The following SYNDIG1 variants were observed in gnomAD, a reference collection of about 807,000 sequenced individuals.
SYNDIG1 encodes the protein synapse differentiation inducing 1, also known as synapse differentiation-inducing gene protein 1.
In SYNDIG1, 9 loss-of-function variants were observed where a neutral mutation model predicts 19.4. The ratio of observed to expected loss-of-function variants is 0.46; its 90% CI spans 0.28 to 0.81. The LOEUF (loss-of-function observed/expected upper bound fraction) is 0.81, where lower values mean the gene tolerates loss of function less well. Among genes scored for constraint, SYNDIG1 ranks in the 30% least tolerant of loss-of-function variants. The pLI, the probability that SYNDIG1 is intolerant of heterozygous loss-of-function variation, is 0.12. For synonymous variants in SYNDIG1, 141 were observed against 145.9 expected (o/e 0.97, Z 0.24); for missense variants, 311 against 343.3 (o/e 0.91, Z 0.74).
intron 1 of SYNDIG1, among the ~76,000 whole-genome samples, chr20:24,503,963 T>TTTTG (rs1173555573): frequency 6.7e-6 from 1 of 149,286 alleles, no homozygotes; most frequent in African/African-American, 2.5e-5. Flanking sequence ...CAGGTTTTTT[T>TTTTG]TTTTTTTTTT....
At chr20:24,480,265 A>G (rs534458394) in intron 1 of SYNDIG1, among the ~76,000 whole-genome samples, 50 of 152,358 alleles carry the variant, frequency 3.3e-4, no homozygotes, top group Non-Finnish European at 5.9e-4. Flanking sequence ...TGTAAGACCT[A>G]TATAATGCTA....
intron 1 of SYNDIG1, among the ~76,000 whole-genome samples, chr20:24,470,417 T>C (rs2055393852): frequency 6.6e-6 from 1 of 152,208 alleles, no homozygotes; most frequent in Admixed American, 6.5e-5. Flanking sequence ...GGACAAGACC[T>C]GCCTTCAAAA....
chr20:24,489,429 A>C (rs2056079404), intron 1 of SYNDIG1, among the ~76,000 whole-genome samples: 1 of 151,896 alleles, frequency 6.6e-6, no homozygotes, highest in South Asian at 2.1e-4. Flanking sequence ...ACACAGACAC[A>C]TAGATACATG....
chr20:24,574,536 G>A (rs1385318160), intron 2 of SYNDIG1, among the ~76,000 whole-genome samples: 1 of 151,632 alleles, frequency 6.6e-6, no homozygotes, highest in Non-Finnish European at 1.5e-5. Context: ...TAAAAATAAT[G>A]CATTTGCTAA....
chr20:24,576,824 G>A (rs1249176657), intron 2 of SYNDIG1, among the ~76,000 whole-genome samples: 1 of 152,054 alleles, frequency 6.6e-6, no homozygotes, highest in Non-Finnish European at 1.5e-5. Context: ...ACGTCCGTAA[G>A]GATTCCTAAA....
rs770269247 is a variant in SYNDIG1 at position 24,664,489 on chromosome 20, G to A, written c.619-857G>A. On this transcript the variant is annotated intron_variant, in intron 3 of 3. Transcript: ENST00000376862. Reference sequence around the variant, plus strand: ...GGGAGTCAACCCTCCTCAGCATCACGTGGGCTCCCGTGGCTCAGTGCTTTG... The same window carrying A: ...GGGAGTCAACCCTCCTCAGCATCACATGGGCTCCCGTGGCTCAGTGCTTTG... Among the ~76,000 whole-genome samples, 4 of 152,228 alleles carry A rather than the reference G, an allele frequency of 2.6e-5. No individual in the cohort carries two copies. In the East Asian group the frequency reaches 5.8e-4, roughly 22 times the overall value.
chr20:24,596,338 C>T (rs76782692), intron 3 of SYNDIG1, among the ~76,000 whole-genome samples: 1,950 of 152,016 alleles, frequency 0.013, 46 homozygotes, highest in African/African-American at 0.045. Context: ...TTTATTTTGC[C>T]AATTACTCAT....
chr20:24,479,974 G>A (rs2146233897), intron 1 of SYNDIG1, among the ~76,000 whole-genome samples: 1 of 152,202 alleles, frequency 6.6e-6, no homozygotes, highest in South Asian at 2.1e-4. Flanking sequence ...ACAAATGCCT[G>A]CACACACACA....
intron 1 of SYNDIG1, among the ~76,000 whole-genome samples, chr20:24,477,266 G>A (rs931458351): frequency 2.6e-5 from 4 of 152,284 alleles, no homozygotes; most frequent in African/African-American, 7.2e-5. Context: ...TGAGTGCTGG[G>A]GTGACCAGGT....
chr20:24,615,505 C>T (rs1371311278), intron 3 of SYNDIG1, among the ~76,000 whole-genome samples: 5 of 152,300 alleles, frequency 3.3e-5, no homozygotes, highest in East Asian at 3.9e-4. Context: ...TAGGGCTTTG[C>T]GGGAGCCTGG....
At chr20:24,533,344 C>T (rs577796063) in intron 1 of SYNDIG1, among the ~76,000 whole-genome samples, 2 of 152,118 alleles carry the variant, frequency 1.3e-5, no homozygotes, top group Non-Finnish European at 2.9e-5. Context: ...ATATTTACCC[C>T]CTTCTCCAGT....
chr20:24,472,341 A>AT (rs1039846967), intron 1 of SYNDIG1, among the ~76,000 whole-genome samples: 8 of 152,222 alleles, frequency 5.3e-5, no homozygotes, highest in East Asian at 1.9e-4. Flanking sequence ...AGGCAAGAGA[A>AT]TTTTTTTTGA....
chr20:24,512,068 T>C (rs892437587), intron 1 of SYNDIG1, among the ~76,000 whole-genome samples: 1 of 145,184 alleles, frequency 6.9e-6, no homozygotes, highest in African/African-American at 2.6e-5. Context: ...TTGCTACTGA[T>C]ATAGGAGAAT....
chr20:24,502,569 A>G (rs558172439), intron 1 of SYNDIG1, among the ~76,000 whole-genome samples: 4 of 152,360 alleles, frequency 2.6e-5, no homozygotes, highest in Admixed American at 6.5e-5. Flanking sequence ...CTGGGAAAGA[A>G]TGACTTTGAA....
intron 3 of SYNDIG1, among the ~76,000 whole-genome samples, chr20:24,615,353 A>T (rs1443326344): frequency 1.3e-5 from 2 of 152,186 alleles, no homozygotes. Flanking sequence ...GGGGGTGATG[A>T]GCGAGACCTG....
chr20:24,513,749 C>T (rs1217931580), intron 1 of SYNDIG1, among the ~76,000 whole-genome samples: 2 of 152,264 alleles, frequency 1.3e-5, no homozygotes, highest in East Asian at 3.9e-4. Context: ...GGCAGGCCAA[C>T]ATTGAAATTC....
chr20:24,583,786 A>C (rs934618155), intron 2 of SYNDIG1, among the ~76,000 whole-genome samples: 9 of 152,134 alleles, frequency 5.9e-5, no homozygotes, highest in Non-Finnish European at 1.2e-4. Context: ...ATGGAATCGC[A>C]AACCACATAC....
chr20:24,613,506 C>T (rs1460162846), intron 3 of SYNDIG1, among the ~76,000 whole-genome samples: 1 of 152,152 alleles, frequency 6.6e-6, no homozygotes, highest in Non-Finnish European at 1.5e-5. Context: ...TTGCCCTCAA[C>T]CCACCCGTTG....
chr20:24,552,571 G>C (rs1180391074), intron 2 of SYNDIG1, among the ~76,000 whole-genome samples: 1 of 142,372 alleles, frequency 7.0e-6, no homozygotes, highest in Non-Finnish European at 1.5e-5. Context: ...GTTTTTTTTT[G>C]TCCTTGCAAT....
Sources: gnomAD v4.1 joint callset for allele counts (sites outside exome capture counted in the v4.1 genomes callset) on GRCh38, gnomAD v4.1.1 for gene constraint, MANE v1.5 for transcripts, NCBI Gene and HGNC (gene_info 2026-07-23, HGNC 2026-07-21) for gene names.